Variants in DIAPH2 observed in about 807,000 individuals in gnomAD.
The protein encoded by DIAPH2 is protein diaphanous homolog 2.
In DIAPH2, 35 loss-of-function variants were observed where a neutral mutation model predicts 92.7. The ratio of observed to expected loss-of-function variants is 0.38; its 90% CI spans 0.29 to 0.50. DIAPH2 has a LOEUF of 0.50. Ranked by LOEUF, DIAPH2 falls within the 20% of genes least tolerant of loss-of-function variation. The pLI is 0.94. For synonymous variants in DIAPH2, 301 were observed against 280.4 expected (o/e 1.07, Z -0.73); for missense variants, 701 against 819.5 (o/e 0.86, Z 1.77).
chrX:97,140,998 A>G (rs754673797), intron 21 of DIAPH2, among the ~76,000 whole-genome samples: 2 of 111,681 alleles, frequency 1.8e-5, no homozygotes, highest in African/African-American at 6.5e-5. Flanking sequence ...TTGCAGCACT[A>G]GATTTTCTTT....
At chrX:97,333,899 G>T (rs1602515450) in intron 23 of DIAPH2, among the ~76,000 whole-genome samples, 1 of 110,197 alleles carries the variant, frequency 9.1e-6, no homozygotes, top group Middle Eastern at 4.7e-3. Context: ...CTTTCCATTT[G>T]CAGTACTGTT....
At chrX:97,573,754 G>A (rs1602676492) in intron 26 of DIAPH2, among the ~76,000 whole-genome samples, 1 of 106,679 alleles carries the variant, frequency 9.4e-6, no homozygotes, top group African/African-American at 3.4e-5. Flanking sequence ...TCTGCCTCCT[G>A]GGTTCAAGCG....
At chrX:97,143,151 G>A (rs2067219388) in intron 22 of DIAPH2, among the ~76,000 whole-genome samples, 1 of 111,171 alleles carries the variant, frequency 9.0e-6, no homozygotes, top group Non-Finnish European at 1.9e-5. Flanking sequence ...AACTATAATG[G>A]CAACTTTCTG....
chrX:97,373,263 C>A (rs1237048753), intron 24 of DIAPH2, among the ~76,000 whole-genome samples: 1 of 110,362 alleles, frequency 9.1e-6, no homozygotes. Flanking sequence ...TAGAAAGAAA[C>A]TTACCATTCG....
intron 22 of DIAPH2, among the ~76,000 whole-genome samples, chrX:97,170,958 C>T (rs924112908): frequency 9.1e-6 from 1 of 110,152 alleles, no homozygotes; most frequent in Non-Finnish European, 1.9e-5. Flanking sequence ...CTCACTGCAA[C>T]CTCTGCCTCC....
intron 21 of DIAPH2, among the ~76,000 whole-genome samples, chrX:97,135,354 A>ATGCCCGGC: frequency 9.1e-6 from 1 of 110,457 alleles, no homozygotes; most frequent in South Asian, 4.0e-4. Flanking sequence ...ATGTGCCACC[A>ATGCCCGGC]TGCCCGGCTA....
intron 26 of DIAPH2, among the ~76,000 whole-genome samples, chrX:97,526,135 G>GT (rs1239083643): frequency 1.8e-5 from 2 of 111,295 alleles, no homozygotes; most frequent in African/African-American, 6.5e-5. Context: ...GGCAGGTTTA[G>GT]TTAGTATCAG....
At chrX:96,915,437 A>G (rs1280088869) in intron 7 of DIAPH2, among the ~76,000 whole-genome samples, 1 of 105,882 alleles carries the variant, frequency 9.4e-6, no homozygotes, top group African/African-American at 3.5e-5. Context: ...TTATCTCCAT[A>G]TATTTTCCTA....
At chrX:97,245,283 C>A (rs1420058497) in intron 22 of DIAPH2, among the ~76,000 whole-genome samples, 1 of 109,598 alleles carries the variant, frequency 9.1e-6, no homozygotes, top group Admixed American at 9.8e-5. Flanking sequence ...GGACTAGGCA[C>A]ATAACCACCG....
At chrX:96,718,964 T>C (rs1443695068) in intron 1 of DIAPH2, among the ~76,000 whole-genome samples, 1 of 111,635 alleles carries the variant, frequency 9.0e-6, no homozygotes, top group Admixed American at 9.5e-5. Context: ...GTCTTTTGGA[T>C]AAAAGCAATT....
In DIAPH2 at chrX:97,141,678, A is replaced by C; in HGVS notation, c.2603A>C (p.Lys868Thr). The C allele has an allele frequency of 8.3e-7, 1 of 1,201,373 alleles. No individual in the cohort carries two copies. The highest frequency in any genetic ancestry group is 1.1e-6 in the Non-Finnish European group (1 of 891,988). The change falls in exon 22 of 27, where the codon AAA becomes ACA. Residue 868 changes from lysine to threonine, a missense_variant. Lys to Thr is a moderately conservative substitution (Grantham distance 78, BLOSUM62 -1). Transcript: ENST00000324765. ...INFLCKIRDT[K>T]SADQKTTLLH... Reference sequence around the variant, plus strand: ...GTTTTCTCCCAGATCAGAGATACTAAATCAGCGGATCAAAAAACAACCCTT... The same window carrying C: ...GTTTTCTCCCAGATCAGAGATACTACATCAGCGGATCAAAAAACAACCCTT...
chrX:97,400,695 T>C (rs1286618211), intron 25 of DIAPH2, among the ~76,000 whole-genome samples: 1 of 111,259 alleles, frequency 9.0e-6, no homozygotes, highest in Admixed American at 9.6e-5. Flanking sequence ...CCCCAGCTGT[T>C]GGCAACCACC....
At chrX:96,748,020 T>C (rs929271476) in intron 3 of DIAPH2, among the ~76,000 whole-genome samples, 1 of 111,940 alleles carries the variant, frequency 8.9e-6, no homozygotes, top group Admixed American at 9.5e-5. Flanking sequence ...TATTTTCTTA[T>C]AAAACTCCTA....
At chrX:96,710,129 G>A (rs1291330530) in intron 1 of DIAPH2, among the ~76,000 whole-genome samples, 1 of 111,172 alleles carries the variant, frequency 9.0e-6, no homozygotes, top group Non-Finnish European at 1.9e-5. Context: ...CATTATCTTA[G>A]TACTCCTGCT....
At chrX:96,814,260 T>G (rs1213212023) in intron 4 of DIAPH2, among the ~76,000 whole-genome samples, 1 of 111,888 alleles carries the variant, frequency 8.9e-6, no homozygotes, top group Non-Finnish European at 1.9e-5. Context: ...TCCTCTCGCT[T>G]TATTTCATTG....
chrX:96,895,907 A>G lies in DIAPH2; in HGVS notation c.587+14189A>G, dbSNP rs1229293150. 5.3e-5 allele frequency among the ~76,000 whole-genome samples: 6 copies of G among 112,298 alleles called. No homozygotes were observed. The East Asian group carries it at 1.7e-3, about 31-fold the overall frequency. On this transcript the variant is annotated intron_variant, in intron 5 of 26. Transcript: ENST00000324765. ...AGTATGGAAGCAAGGAAGGGTTACC[A>G]AGGACTGTTATTCCCAAATGAAAGG...
intron 20 of DIAPH2, among the ~76,000 whole-genome samples, chrX:97,108,061 G>A (rs1202836152): frequency 9.0e-6 from 1 of 110,553 alleles, no homozygotes; most frequent in Non-Finnish European, 1.9e-5. Context: ...CATGAGCTGC[G>A]TAGGTACTGA....
intron 22 of DIAPH2, among the ~76,000 whole-genome samples, chrX:97,162,979 G>A (rs747517511): frequency 9.0e-6 from 1 of 110,789 alleles, no homozygotes; most frequent in Non-Finnish European, 1.9e-5. Context: ...TGCTGACTTT[G>A]TATCATAGTG....
intron 26 of DIAPH2, among the ~76,000 whole-genome samples, chrX:97,484,635 A>C (rs895806748): frequency 1.5e-4 from 17 of 112,444 alleles, no homozygotes; most frequent in Middle Eastern, 4.6e-3. Flanking sequence ...GTGGTGGCTC[A>C]TGCCTGTAAT....
Sources: gnomAD v4.1 joint callset for allele counts (sites outside exome capture counted in the v4.1 genomes callset) on GRCh38, gnomAD v4.1.1 for gene constraint, MANE v1.5 for transcripts, NCBI Gene and HGNC (gene_info 2026-07-23, HGNC 2026-07-21) for gene names.